The following AFAP1 variants were observed in gnomAD, a reference collection of about 807,000 sequenced individuals.
The protein encoded by AFAP1 is actin filament associated protein 1, also known as actin filament-associated protein 1.
In AFAP1, 75 loss-of-function variants were observed where a neutral mutation model predicts 93.9. The ratio of observed to expected loss-of-function variants is 0.80; its 90% confidence interval spans 0.66 to 0.97. The LOEUF is 0.97. AFAP1 is among the 50% of genes least tolerant of loss of function. The pLI, the probability that AFAP1 is intolerant of heterozygous loss-of-function variation, is 0.00. For missense variants in AFAP1, 1,201 were observed against 1,050.8 expected, an observed-to-expected ratio of 1.14 and a Z score of -1.98; for synonymous variants, 517 against 430.7, an observed-to-expected ratio of 1.20 and a Z score of -2.48.
At chr4:7,924,856 T>G (rs2149240031) in intron 1 of AFAP1, among the ~76,000 whole-genome samples, 1 of 150,374 alleles carries the variant, frequency 6.7e-6, no homozygotes, top group African/African-American at 2.5e-5. Context: ...TGGCCAGGAC[T>G]TGACTCAAAA....
At chr4:7,875,382 A>T (rs1717434919) in intron 1 of AFAP1, among the ~76,000 whole-genome samples, 1 of 152,236 alleles carries the variant, frequency 6.6e-6, no homozygotes. Context: ...TATGAAATGA[A>T]GAAGTTGGAC....
intron 3 of AFAP1, among the ~76,000 whole-genome samples, chr4:7,860,581 TGAGGAAA>T (rs1715562590): frequency 6.6e-6 from 1 of 152,136 alleles, no homozygotes; most frequent in Non-Finnish European, 1.5e-5. Flanking sequence ...ATTTCACAGA[TGAGGAAA>T]CTGAGGCTCA....
intron 10 of AFAP1, among the ~76,000 whole-genome samples, chr4:7,798,308 T>C (rs1268588296): frequency 9.1e-5 from 11 of 120,622 alleles, no homozygotes; most frequent in East Asian, 6.0e-4. Flanking sequence ...TGCAACCCTA[T>C]TGGCTGGCTC....
chr4:7,869,400 G>A lies in AFAP1; in HGVS notation c.128-681C>T, dbSNP rs146670719. 8.7e-3 allele frequency among the ~76,000 whole-genome samples: 1,320 copies of A among 152,322 alleles called. 20 individuals carry two copies. The highest frequency in any genetic ancestry group is 0.014 in the Middle Eastern group (4 of 294). On this transcript the variant is annotated intron_variant, in intron 2 of 17. Transcript: ENST00000420658. Reference sequence around the variant, plus strand: ...AGGGCAGGCAGGACTTACCCATGTAGTAATAGGACAGACACCTTCCTGGGA... The same window carrying A: ...AGGGCAGGCAGGACTTACCCATGTAATAATAGGACAGACACCTTCCTGGGA...
intron 9 of AFAP1, among the ~76,000 whole-genome samples, chr4:7,804,277 C>T (rs1345667905): frequency 6.6e-6 from 1 of 152,228 alleles, no homozygotes; most frequent in Non-Finnish European, 1.5e-5. Flanking sequence ...CTTCAAGGCT[C>T]ACCCAGGGCG....
At chr4:7,882,437 C>G (rs1260083332) in intron 1 of AFAP1, among the ~76,000 whole-genome samples, 2 of 151,098 alleles carry the variant, frequency 1.3e-5, no homozygotes, top group Non-Finnish European at 2.9e-5. Context: ...GATATCTAAA[C>G]CGAATAGAGA....
At position 7,763,734 on chromosome 4, in the gene AFAP1, G is replaced by A; in HGVS notation, c.*31C>T. 9 of 1,551,576 alleles carry A rather than the reference G, an allele frequency of 5.8e-6. No individual in the cohort carries two copies. The highest frequency in any genetic ancestry group is 7.8e-6 in the Non-Finnish European group (9 of 1,146,890). ...GAGGATACAGGCAAGGGGGTGTGCA[G>A]TCTCTGAGGCTGGAGTGGTGCTGCT... On this transcript the variant is annotated 3_prime_UTR_variant, in exon 18 of 18. Transcript: ENST00000420658.
intron 4 of AFAP1, among the ~76,000 whole-genome samples, chr4:7,849,189 C>G (rs1360119592): frequency 1.3e-5 from 2 of 152,136 alleles, no homozygotes; most frequent in Non-Finnish European, 2.9e-5. Context: ...AGCAGGAGAC[C>G]CACCAGGCGT....
intron 15 of AFAP1, chr4:7,774,443 C>T: frequency 2.6e-6 from 1 of 383,314 alleles, no homozygotes; most frequent in East Asian, 5.3e-5. Context: ...TCCAGACAAT[C>T]TCTGTTGTCA....
chr4:7,781,642 G>C lies in AFAP1; in HGVS notation c.1531-15C>G. On this transcript the variant is annotated splice_polypyrimidine_tract_variant and intron_variant, in intron 12 of 17. Coordinates refer to ENST00000420658, the MANE Select transcript of AFAP1 (RefSeq NM_001134647.2). ...TCCGGTTCCCACTGCAACACACATA[G>C]CTTTGTGGTTAGTGACTTGGACACA... The C allele has an allele frequency of 6.4e-7, 1 of 1,550,534 alleles. No individual in the cohort carries two copies. The highest frequency in any genetic ancestry group is 8.7e-7 in the Non-Finnish European group (1 of 1,146,074).
chr4:7,898,416 G>GA (rs943360302), intron 1 of AFAP1, among the ~76,000 whole-genome samples: 2 of 148,140 alleles, frequency 1.4e-5, no homozygotes, highest in Non-Finnish European at 3.0e-5. Context: ...CTCAGAAGGG[G>GA]AAAAAAAAAG....
chr4:7,908,157 A>G (rs1334816204), intron 1 of AFAP1, among the ~76,000 whole-genome samples: 1 of 151,736 alleles, frequency 6.6e-6, no homozygotes, highest in Non-Finnish European at 1.5e-5. Flanking sequence ...CGTTGCAGTA[A>G]GCCGAGATCA....
intron 11 of AFAP1, chr4:7,789,085 A>T (rs1198271653): frequency 6.6e-6 from 1 of 152,594 alleles, no homozygotes; most frequent in African/African-American, 2.4e-5. Flanking sequence ...GGCCTCAGCC[A>T]GCAGCTAGTC....
chr4:7,778,347 G>A (rs1045684664), intron 14 of AFAP1: 11 of 268,912 alleles, frequency 4.1e-5, no homozygotes, highest in South Asian at 2.0e-4. Context: ...TATTCCAACC[G>A]CACCAACCAC....
intron 11 of AFAP1, among the ~76,000 whole-genome samples, chr4:7,787,747 C>G (rs1222706312): frequency 6.6e-6 from 1 of 152,178 alleles, no homozygotes; most frequent in East Asian, 1.9e-4. Flanking sequence ...CCCAACACCC[C>G]CAGGGGCTTC....
At chr4:7,857,204 T>G (rs1050404301) in intron 3 of AFAP1, among the ~76,000 whole-genome samples, 1 of 152,192 alleles carries the variant, frequency 6.6e-6, no homozygotes, top group African/African-American at 2.4e-5. Context: ...CAGTTCCAAG[T>G]AGAAAAAGGT....
At chr4:7,823,429 A>C (rs1004400251) in intron 6 of AFAP1, among the ~76,000 whole-genome samples, 8 of 151,172 alleles carry the variant, frequency 5.3e-5, no homozygotes, top group African/African-American at 1.7e-4. Context: ...CTCAAGAGGA[A>C]AAAGTGTTGT....
At chr4:7,853,077 G>T (rs113087838) in intron 4 of AFAP1, among the ~76,000 whole-genome samples, 153 of 152,004 alleles carry the variant, frequency 1.0e-3, no homozygotes, top group African/African-American at 3.4e-3. Context: ...GGGTGCCAAG[G>T]TGACCAAAGA....
At position 7,874,356 on chromosome 4, in the gene AFAP1, C is replaced by CTTTTTTTTTT. The variant is rs869214535; in HGVS notation, c.-2-2286_-2-2277dup. Among the ~76,000 whole-genome samples, 59 of 92,406 alleles carry CTTTTTTTTTT rather than the reference C, an allele frequency of 6.4e-4. 1 individual carries two copies. Among genetic ancestry groups the CTTTTTTTTTT allele is most frequent in the African/African-American group, 2.5e-3 (52 of 21,220 alleles). 60.6% of individuals were successfully genotyped at this position (92,406 alleles called of 152,430 possible). On this transcript the variant is annotated intron_variant, in intron 1 of 17. Transcript: ENST00000420658. ...CTGTGGGAGGTCAGATTGCCTTTTT[C>CTTTTTTTTTT]TTTTTTTTTTTTTTTTTTTTTTTTT...
Sources: gnomAD v4.1 joint callset for allele counts (sites outside exome capture counted in the v4.1 genomes callset) on GRCh38, gnomAD v4.1.1 for gene constraint, MANE v1.5 for transcripts, NCBI Gene and HGNC (gene_info 2026-07-23, HGNC 2026-07-21) for gene names.